The following DGKI variants were observed in gnomAD, a reference collection of about 807,000 sequenced individuals.
DGKI encodes the protein DAG kinase iota.
DGKI carries 55 observed loss-of-function variants against 147.5 expected under a neutral mutation model. The ratio of observed to expected loss-of-function variants is 0.37; its 90% confidence interval spans 0.30 to 0.47. The LOEUF (loss-of-function observed/expected upper bound fraction) is 0.47, where lower values mean the gene tolerates loss of function less well. DGKI is among the 20% of genes least tolerant of loss of function. The probability of loss-of-function intolerance (pLI) is 1.00; values close to 1 mark genes in which losing one functional copy is unlikely to be tolerated. For synonymous variants in DGKI, 469 were observed against 477.1 expected (o/e 0.98, Z 0.22); for missense variants, 1,007 against 1,323.8 (o/e 0.76, Z 3.71).
In DGKI at chr7:137,846,173, A is replaced by T. The variant is rs866095841; in HGVS notation, c.401+289T>A. ...CTCTCTCTCTCTCTCACACACACACACACACACACACACACACACACACAC... is the reference window on the plus strand; with the variant it reads ...CTCTCTCTCTCTCTCACACACACACTCACACACACACACACACACACACAC... On this transcript the variant is annotated intron_variant, in intron 1 of 32. Transcript: ENST00000614521. The surrounding 1 kb of genome is among the most constrained non-coding windows in gnomAD (Gnocchi z 4.0). Among the ~76,000 whole-genome samples, 3,258 of 131,694 alleles carry T rather than the reference A, an allele frequency of 0.025. 106 individuals carry two copies. The highest frequency in any genetic ancestry group is 0.092 in the African/African-American group (2,997 of 32,598). 86.4% of individuals were successfully genotyped at this position (131,694 alleles called of 152,430 possible).
At position 137,791,685 on chromosome 7, in the gene DGKI, C is replaced by A. The variant is rs374233147; in HGVS notation, c.401+54777G>T. On this transcript the variant is annotated intron_variant, in intron 1 of 32. Coordinates refer to ENST00000614521, the MANE Select transcript of DGKI (RefSeq NM_001321708.2). ...AACCTTTTAGCTCTTTGGAAAGAGA[C>A]GCTAGATAACGAATTTAATTCCATT... is the stretch of plus-strand genomic sequence containing the variant. 9.5e-4 allele frequency among the ~76,000 whole-genome samples: 144 copies of A among 152,326 alleles called. 2 individuals are homozygous for A. In the South Asian group the frequency reaches 0.029, roughly 31 times the overall value.
chr7:137,783,322 T>C (rs965325936), intron 1 of DGKI, among the ~76,000 whole-genome samples: 2 of 152,058 alleles, frequency 1.3e-5, no homozygotes, highest in African/African-American at 4.8e-5. Flanking sequence ...CACACAGAAA[T>C]GCAAAATGCA....
intron 20 of DGKI, among the ~76,000 whole-genome samples, chr7:137,539,757 G>A (rs1817628223): frequency 1.3e-5 from 2 of 151,472 alleles, no homozygotes; most frequent in African/African-American, 4.9e-5. Flanking sequence ...TAAAGGGCAG[G>A]AATCAATAAA....
In DGKI at chr7:137,487,675, T is replaced by G. The variant is rs767787803; in HGVS notation, c.2263A>C (p.Ile755Leu). 6.2e-7 allele frequency: 1 copy of G among 1,613,654 alleles called. No homozygotes were observed. Among genetic ancestry groups the G allele is most frequent in the East Asian group, 2.2e-5 (1 of 44,884 alleles). Reference sequence around the variant, plus strand: ...TCACAGTCTCCACGCACAACTAGAATACCCAGAGGTATCGCTAAGGGTGAA... The same window carrying G: ...TCACAGTCTCCACGCACAACTAGAAGACCCAGAGGTATCGCTAAGGGTGAA... ...KLREASIPLG[I>L]LVVRGDCDLE... The change falls in exon 22 of 33, where the codon ATT (isoleucine) becomes CTT (leucine). Residue 755 changes from isoleucine to leucine, a missense_variant. By Grantham distance (5) the Ile-to-Leu change is conservative. Coordinates refer to ENST00000614521, the MANE Select transcript of DGKI (RefSeq NM_001321708.2).
At chr7:137,819,321 T>G (rs1797827419) in intron 1 of DGKI, among the ~76,000 whole-genome samples, 1 of 151,628 alleles carries the variant, frequency 6.6e-6, no homozygotes, top group African/African-American at 2.4e-5. Context: ...GAATTTTTTT[T>G]TTTTTTTTGA....
chr7:137,426,409 T>C (rs1342118920), intron 28 of DGKI, among the ~76,000 whole-genome samples: 3 of 151,902 alleles, frequency 2.0e-5, no homozygotes, highest in East Asian at 1.9e-4. Flanking sequence ...GCACTAAACA[T>C]AGAAAGGAAC....
At chr7:137,814,502 C>T (rs1357565766) in intron 1 of DGKI, among the ~76,000 whole-genome samples, 1 of 152,076 alleles carries the variant, frequency 6.6e-6, no homozygotes, top group Non-Finnish European at 1.5e-5. Context: ...CCCTCAAATC[C>T]AATTCCCAAG....
At chr7:137,395,734 G>T (rs894384829) in intron 31 of DGKI, 37 bp from the exon 32 acceptor site, 31 of 1,597,412 alleles carry the variant, frequency 1.9e-5, no homozygotes, top group Non-Finnish European at 2.6e-5. Flanking sequence ...ACCCATAAAG[G>T]GGTTGGAGGC....
intron 1 of DGKI, among the ~76,000 whole-genome samples, chr7:137,735,921 C>T (rs1033769589): frequency 9.9e-5 from 15 of 152,084 alleles, no homozygotes; most frequent in Non-Finnish European, 2.2e-4. Flanking sequence ...ATGTCAGTGA[C>T]ATTGCATGCT....
intron 1 of DGKI, among the ~76,000 whole-genome samples, chr7:137,767,859 G>C (rs1227663707): frequency 2.6e-5 from 4 of 152,162 alleles, no homozygotes; most frequent in African/African-American, 9.7e-5. Context: ...CATGTCTAAA[G>C]CTCTTCGACA....
At chr7:137,519,768 A>C (rs1213411546) in intron 21 of DGKI, among the ~76,000 whole-genome samples, 1 of 152,076 alleles carries the variant, frequency 6.6e-6, no homozygotes, top group Admixed American at 6.6e-5. Context: ...CTCAAAGGAT[A>C]AACTTTCCTG....
intron 28 of DGKI, among the ~76,000 whole-genome samples, chr7:137,431,304 G>A (rs1425044015): frequency 2.6e-5 from 4 of 151,718 alleles, no homozygotes; most frequent in Non-Finnish European, 5.9e-5. Flanking sequence ...GAGGGTGACA[G>A]GATGGAAATG....
At chr7:137,512,724 C>T (rs1816619526) in intron 21 of DGKI, among the ~76,000 whole-genome samples, 1 of 152,282 alleles carries the variant, frequency 6.6e-6, no homozygotes, top group South Asian at 2.1e-4. Context: ...ATTTTAGGCC[C>T]AGTTCTTTGT....
chr7:137,620,079 T>C lies in DGKI; in HGVS notation c.877-139A>G, dbSNP rs143914734. On this transcript the variant is annotated intron_variant, in intron 7 of 32. Transcript: ENST00000614521. Reference sequence around the variant, plus strand: ...CTCATTACATGCACAAAAATACATATGCATGCACACATGCACACATGGGCA... The same window carrying C: ...CTCATTACATGCACAAAAATACATACGCATGCACACATGCACACATGGGCA... 6.4e-4 allele frequency: 424 copies of C among 658,674 alleles called. 2 individuals are homozygous for C. The highest frequency in any genetic ancestry group is 5.7e-3 in the African/African-American group (320 of 55,818). 40.8% of individuals were successfully genotyped at this position (658,674 alleles called of 1,614,324 possible).
chr7:137,720,622 T>A (rs888081155), intron 1 of DGKI, among the ~76,000 whole-genome samples: 5 of 152,152 alleles, frequency 3.3e-5, no homozygotes, highest in Admixed American at 2.6e-4. Flanking sequence ...CCCCATACAC[T>A]ATTTCAAAGC....
chr7:137,421,144 T>C (rs752881980), intron 28 of DGKI, among the ~76,000 whole-genome samples: 1 of 152,210 alleles, frequency 6.6e-6, no homozygotes, highest in Non-Finnish European at 1.5e-5. Flanking sequence ...ACACTCCACC[T>C]ACCAGCTTCT....
chr7:137,604,002 A>AT (rs1178698960), intron 10 of DGKI, among the ~76,000 whole-genome samples: 1 of 152,052 alleles, frequency 6.6e-6, no homozygotes, highest in Non-Finnish European at 1.5e-5. Flanking sequence ...CCAGACTGAC[A>AT]TTTTTTATGC....
intron 12 of DGKI, among the ~76,000 whole-genome samples, chr7:137,594,564 T>C (rs2128986884): frequency 6.6e-6 from 1 of 152,292 alleles, no homozygotes; most frequent in African/African-American, 2.4e-5. Flanking sequence ...CTTTGTCACT[T>C]TACTGGCAGC....
At chr7:137,814,056 G>A (rs749762668) in intron 1 of DGKI, among the ~76,000 whole-genome samples, 9 of 152,244 alleles carry the variant, frequency 5.9e-5, no homozygotes, top group East Asian at 1.9e-4. Context: ...TGCCTCTATC[G>A]ATCAATGGTT....
Sources: gnomAD v4.1 joint callset for allele counts (sites outside exome capture counted in the v4.1 genomes callset) on GRCh38, gnomAD v4.1.1 for gene constraint, Gnocchi (gnomAD v3.1) non-coding constraint, MANE v1.5 for transcripts, NCBI Gene and HGNC (gene_info 2026-07-23, HGNC 2026-07-21) for gene names.